The following MYH3 variants were observed in gnomAD, a reference collection of about 807,000 sequenced individuals.
MYH3 encodes myosin-3.
Under a neutral mutation model 238.0 loss-of-function variants are expected in MYH3, and 130 were observed. That is an observed-to-expected ratio of 0.55 (90% CI 0.47 to 0.63). The LOEUF (loss-of-function observed/expected upper bound fraction) is 0.63. Among genes scored for constraint, MYH3 ranks in the 30% least tolerant of loss-of-function variants. The pLI, the probability that MYH3 is intolerant of heterozygous loss-of-function variation, is 0.00. For synonymous variants in MYH3, 880 were observed against 924.1 expected (o/e 0.95, Z 0.86); for missense variants, 1,853 against 2,374.9 (o/e 0.78, Z 4.57).
chr17:10,659,776 T>G (rs992699099), upstream of MYH3, among the ~76,000 whole-genome samples: 7 of 152,094 alleles, frequency 4.6e-5, no homozygotes, highest in Non-Finnish European at 1.0e-4. Context: ...CCTTTTCAGA[T>G]GAGGAAACCG....
chr17:10,656,681 C>T (rs779200373), intron 1 of MYH3, among the ~76,000 whole-genome samples: 12 of 152,180 alleles, frequency 7.9e-5, no homozygotes, highest in Admixed American at 2.6e-4. Flanking sequence ...TCTCAGCCTG[C>T]ACTGGCACCT....
At chr17:10,646,847 A>C (rs533262235) in intron 10 of MYH3, among the ~76,000 whole-genome samples, 14 of 152,282 alleles carry the variant, frequency 9.2e-5, no homozygotes, top group African/African-American at 3.1e-4. Flanking sequence ...CAGGAGTTCA[A>C]GACCAACCTG....
the MYH3 span, among the ~76,000 whole-genome samples, chr17:10,665,415 T>C: frequency 6.6e-6 from 1 of 152,190 alleles, no homozygotes; most frequent in African/African-American, 2.4e-5. Flanking sequence ...AGTGCTGGGA[T>C]TACAGGTGTG....
At chr17:10,635,926 G>T in intron 28 of MYH3, 73 bp from the exon 29 acceptor site, 1 of 1,249,728 alleles carries the variant, frequency 8.0e-7, no homozygotes, top group Non-Finnish European at 1.2e-6. Flanking sequence ...TATGTGTAGG[G>T]CACTGTGCTA....
intron 7 of MYH3, among the ~76,000 whole-genome samples, 194 bp downstream of exon 7, chr17:10,649,383 C>T (rs927209329): frequency 6.6e-6 from 1 of 152,206 alleles, no homozygotes; most frequent in African/African-American, 2.4e-5. Flanking sequence ...TAAGAAATCC[C>T]GGGATCTAGT....
the MYH3 span, among the ~76,000 whole-genome samples, chr17:10,666,165 CT>C: frequency 6.6e-6 from 1 of 152,096 alleles, no homozygotes; most frequent in Admixed American, 6.5e-5. Context: ...ATGGTAGATT[CT>C]TTTATAATCT....
the MYH3 span, among the ~76,000 whole-genome samples, chr17:10,670,687 A>T: frequency 3.3e-5 from 5 of 150,832 alleles, no homozygotes; most frequent in African/African-American, 2.4e-5. This position sits in a 1 kb window ranked among gnomAD's most constrained non-coding sequence, Gnocchi z 7.0. Flanking sequence ...ATCCACAAAC[A>T]CACCACTATT....
At chr17:10,641,489 T>C in intron 17 of MYH3, 117 bp from the exon 18 acceptor site, 1 of 770,168 alleles carries the variant, frequency 1.3e-6, no homozygotes, top group South Asian at 1.6e-5. Context: ...TAAAGTATAG[T>C]GAAATGATTT....
intron 2 of MYH3, among the ~76,000 whole-genome samples, chr17:10,655,661 CTTTT>C (rs1321115622): frequency 6.7e-6 from 1 of 148,588 alleles, no homozygotes; most frequent in South Asian, 2.1e-4. Flanking sequence ...CTGTCCTTGC[CTTTT>C]TTTTTTGAGA....
chr17:10,628,564 AAG>A lies in MYH3; in HGVS notation c.*87_*88del, dbSNP rs2074116121. 7.0e-7 allele frequency: 1 copy of A among 1,430,368 alleles called. No homozygotes were observed. The highest frequency in any genetic ancestry group is 9.9e-7 in the Non-Finnish European group (1 of 1,012,484). 88.6% of individuals were successfully genotyped at this position (1,430,368 alleles called of 1,614,324 possible). ...AAAGCAAAGTTTATTGCATGTGAAA[AAG>A]AGTCACATGGACATTAAGTATCAAT... On this transcript the variant is annotated 3_prime_UTR_variant, in exon 41 of 41. Coordinates refer to ENST00000583535, the MANE Select transcript of MYH3 (RefSeq NM_002470.4).
chr17:10,635,688 G>T, intron 29 of MYH3, 47 bp downstream of exon 29: 1 of 1,612,032 alleles, frequency 6.2e-7, no homozygotes. Context: ...CCTCCTACAG[G>T]TGATATTTAA....
intron 1 of MYH3, among the ~76,000 whole-genome samples, chr17:10,656,736 C>T (rs987889266): frequency 2.6e-5 from 4 of 152,242 alleles, no homozygotes; most frequent in East Asian, 1.9e-4. Context: ...CAGCAGGGAC[C>T]GCATCCCTGC....
intron 34 of MYH3, 40 bp from the exon 35 acceptor site, chr17:10,632,056 C>T: frequency 2.5e-6 from 4 of 1,600,888 alleles, no homozygotes; most frequent in African/African-American, 1.3e-5. Context: ...GAAGTTGAGG[C>T]GTTAGGACCA....
chr17:10,630,857 T>C (rs1050834153), intron 36 of MYH3, among the ~76,000 whole-genome samples: 44 of 149,096 alleles, frequency 3.0e-4, no homozygotes, highest in Non-Finnish European at 1.0e-4. Flanking sequence ...ATCTCGGGGG[T>C]GGGGGAAGAA....
chr17:10,656,478 A>C (rs1013053142), intron 1 of MYH3, among the ~76,000 whole-genome samples: 1 of 150,536 alleles, frequency 6.6e-6, no homozygotes, highest in East Asian at 2.0e-4. Flanking sequence ...CAGAGGTTGC[A>C]GTGAGCCGAG....
rs768338102 is a variant in MYH3 at position 10,634,995 on chromosome 17, A to C, written c.4201T>G (p.Ser1401Ala). ...KKKLAQRLQD[S>A]EEQVEAVNAK... ...TTCACTGCCTCAACCTGTTCCTCGG[A>C]ATCTTGAAGGCGCTGAGCAAGTTTT... Residue 1401 changes from serine (S) to alanine (A), a missense_variant, in exon 31 of 41, where the codon TCC becomes GCC. Physicochemically the swap from Ser to Ala is moderately conservative, Grantham distance 99. Transcript: ENST00000583535. 6.2e-7 allele frequency: 1 copy of C among 1,614,132 alleles called. No individual in the cohort carries two copies. The highest frequency in any genetic ancestry group is 1.7e-5 in the Admixed American group (1 of 60,008).
chr17:10,653,701 G>C (rs190644173), intron 3 of MYH3, among the ~76,000 whole-genome samples: 14 of 152,294 alleles, frequency 9.2e-5, no homozygotes, highest in Admixed American at 3.9e-4. Flanking sequence ...GAAATGGTCA[G>C]TTTTCCTGGT....
Position 10,640,657 on chromosome 17 carries a change from G to A in MYH3, c.2195C>T (p.Pro732Leu). 1 of 1,614,218 alleles carries A rather than the reference G, an allele frequency of 6.2e-7. No individual in the cohort carries two copies. The change falls in exon 20 of 41, where the codon CCT (proline) becomes CTT (leucine). Residue 732 changes from proline (P) to leucine (L), a missense_variant. Pro to Leu is a moderately conservative substitution (Grantham distance 98). Coordinates refer to ENST00000583535, the MANE Select transcript of MYH3 (RefSeq NM_002470.4). ...CTTGCTGTCAATGAATTGTCCCTCA[G>A]GGATTGCACTGGCATTCAGCACTCG... ...RYRVLNASAI[P>L]EGQFIDSKKA...
At position 10,631,769 on chromosome 17, in the gene MYH3, G is replaced by A. The variant is rs139317334; in HGVS notation, c.5161-33C>T. Reference sequence around the variant, plus strand: ...AAGAGGAGGGCTGTTAACCAGGTGCGTATGAGGCTGGAACCTCGCCTCTCT... The same window carrying A: ...AAGAGGAGGGCTGTTAACCAGGTGCATATGAGGCTGGAACCTCGCCTCTCT... On this transcript the variant is annotated intron_variant, in intron 35 of 40. Coordinates refer to ENST00000583535, the MANE Select transcript of MYH3 (RefSeq NM_002470.4). The A allele has an allele frequency of 3.4e-4, 556 of 1,614,136 alleles. No homozygotes were observed. The African/African-American group carries it at 6.0e-3, about 17-fold the overall frequency.
Sources: gnomAD v4.1 joint callset for allele counts (sites outside exome capture counted in the v4.1 genomes callset) on GRCh38, gnomAD v4.1.1 for gene constraint, Gnocchi (gnomAD v3.1) non-coding constraint, MANE v1.5 for transcripts, NCBI Gene and HGNC (gene_info 2026-07-23, HGNC 2026-07-21) for gene names.